Variants in GUCD1 observed in about 807,000 individuals in gnomAD.
GUCD1 encodes the protein guanylyl cyclase domain containing 1.
Under a neutral mutation model 28.3 loss-of-function variants are expected in GUCD1, and 17 were observed. That is an observed-to-expected ratio of 0.60 (90% CI 0.41 to 0.90). The LOEUF (loss-of-function observed/expected upper bound fraction) is 0.90, where lower values mean the gene tolerates loss of function less well. Ranked by LOEUF, GUCD1 falls within the 40% of genes least tolerant of loss-of-function variation. GUCD1 has a pLI of 0.00. For missense variants in GUCD1, 279 were observed against 305.5 expected (o/e 0.91, Z 0.65); for synonymous variants, 129 against 123.3 (o/e 1.05, Z -0.30).
chr22:24,553,285 C>T (rs974899411), intron 1 of GUCD1, among the ~76,000 whole-genome samples: 1 of 152,240 alleles, frequency 6.6e-6, no homozygotes, highest in African/African-American at 2.4e-5. Flanking sequence ...CACACATAAA[C>T]TACACTATCA....
In GUCD1 at chr22:24,543,945, G is replaced by A. The variant is rs749933267; in HGVS notation, c.525C>T (p.His175=). ...KYCCFTPSGH[H]CFCRTPDYQG... ...GGTAGTCAGGAGTGCGGCAGAAGCA[G>A]TGGTGGCCACTGGGGGTGAAGCAGC... The change falls in exon 5 of 6, where the codon CAC becomes CAT. Residue 175 remains histidine (H), a synonymous_variant. Transcript: ENST00000435822. 1.2e-6 allele frequency: 2 copies of A among 1,614,100 alleles called. No homozygotes were observed. The highest frequency in any genetic ancestry group is 1.7e-6 in the Non-Finnish European group (2 of 1,179,978).
chr22:24,548,473 G>T (rs550729929), intron 2 of GUCD1, among the ~76,000 whole-genome samples: 1 of 152,230 alleles, frequency 6.6e-6, no homozygotes, highest in Non-Finnish European at 1.5e-5. Context: ...AGATGCAGCT[G>T]CCCTGTGGTT....
At chr22:24,555,658 CTGGCCCT>C, upstream of GUCD1, 1 of 1,550,682 alleles carries the variant, frequency 6.4e-7, no homozygotes, top group Non-Finnish European at 8.7e-7. Context: ...ACGGGAAGTC[CTGGCCCT>C]TGGCCCAACC....
Position 24,555,003 on chromosome 22 carries a change from C to A in GUCD1, c.-12G>T, listed in dbSNP as rs1253667606. On this transcript the variant is annotated 5_prime_UTR_variant, in exon 1 of 6. Coordinates refer to ENST00000435822, the MANE Select transcript of GUCD1 (RefSeq NM_001284254.2). ...GCCTCCGTCCTCATGACCCGGGCGG[C>A]GCGGGGCGCCCATGGCCCCGGCCCA... The A allele has an allele frequency of 1.3e-6, 2 of 1,507,826 alleles. No individual in the cohort carries two copies. The highest frequency in any genetic ancestry group is 8.8e-7 in the Non-Finnish European group (1 of 1,134,094). The allele number at this position is 1,507,826 out of a possible 1,614,324, so 93.4% of individuals were successfully genotyped here.
chr22:24,546,484 A>G (rs938890966), intron 4 of GUCD1, among the ~76,000 whole-genome samples: 37 of 152,106 alleles, frequency 2.4e-4, no homozygotes, highest in African/African-American at 8.7e-4. Flanking sequence ...TACAGATGAG[A>G]AGAGGAGGCC....
At chr22:24,551,732 T>G (rs2044881006) in intron 1 of GUCD1, among the ~76,000 whole-genome samples, 1 of 152,230 alleles carries the variant, frequency 6.6e-6, no homozygotes, top group Admixed American at 6.5e-5. Flanking sequence ...ATTCGTTTCC[T>G]TCACAGTGCT....
upstream of GUCD1, chr22:24,555,332 C>G: frequency 7.2e-7 from 1 of 1,394,336 alleles, no homozygotes. Context: ...CGCAGCTCAC[C>G]AGGACGCGGG....
chr22:24,542,911 C>T lies in GUCD1; in HGVS notation c.*95G>A. The T allele has an allele frequency of 1.2e-6, 1 of 865,614 alleles. No homozygotes were observed. The highest frequency in any genetic ancestry group is 2.0e-6 in the Non-Finnish European group (1 of 510,560). The allele number at this position is 865,614 out of a possible 1,614,324, so 53.6% of individuals were successfully genotyped here. A position where few individuals can be genotyped will look rare whatever the true frequency, so the allele number is the denominator to read the frequency against. On this transcript the variant is annotated 3_prime_UTR_variant, in exon 6 of 6. Coordinates refer to ENST00000435822, the MANE Select transcript of GUCD1 (RefSeq NM_001284254.2). ...CTGAGGCTGCAGTTCCACATTCCAA[C>T]CCCAGCAGCCCCAAGCCTGGGCCAG...
At position 24,547,928 on chromosome 22, in the gene GUCD1, C is replaced by T. The variant is rs778133167; in HGVS notation, c.274G>A (p.Asp92Asn). Reference sequence around the variant, plus strand: ...CTCACCTGGTTCTTGTAGCCCTTGTCGACACCCAGGGTCTGGGTACAGAAG... The same window carrying T: ...CTCACCTGGTTCTTGTAGCCCTTGTTGACACCCAGGGTCTGGGTACAGAAG... ...HRFCTQTLGV[D>N]KGYKNQSFYR... is the part of the protein sequence containing the mutation. Residue 92 changes from aspartate (D) to asparagine (N), a missense_variant, in exon 3 of 6, where the codon GAC (aspartate) becomes AAC (asparagine). Coordinates refer to ENST00000435822, the MANE Select transcript of GUCD1 (RefSeq NM_001284254.2). 1.1e-5 allele frequency: 17 copies of T among 1,614,006 alleles called. No homozygotes were observed. The highest frequency in any genetic ancestry group is 1.2e-5 in the Non-Finnish European group (14 of 1,180,024).
chr22:24,548,148 C>T (rs1412023218), intron 2 of GUCD1, 75 bp from the exon 3 acceptor site: 84 of 1,285,730 alleles, frequency 6.5e-5, no homozygotes, highest in African/African-American at 8.7e-5. Context: ...CACCCACTGG[C>T]CCAAGAGCCC....
At chr22:24,546,035 C>T (rs1039578561) in intron 4 of GUCD1, among the ~76,000 whole-genome samples, 6 of 151,866 alleles carry the variant, frequency 4.0e-5, no homozygotes, top group African/African-American at 1.2e-4. Flanking sequence ...TATCTCGGCT[C>T]ACTGCAAGCT....
In GUCD1 at chr22:24,542,986, G is replaced by A. The variant is rs1485741386; in HGVS notation, c.*20C>T. ...GGTGGGGATGGGGTCCGAGGGCCTA[G>A]GCGCACCAGGCTCCTGCTGTCAGCT... On this transcript the variant is annotated 3_prime_UTR_variant, in exon 6 of 6. Transcript: ENST00000435822. The A allele has an allele frequency of 1.3e-6, 2 of 1,584,048 alleles. No homozygotes were observed. The highest frequency in any genetic ancestry group is 1.7e-6 in the Non-Finnish European group (2 of 1,152,906).
upstream of GUCD1, chr22:24,555,161 A>T: frequency 7.7e-7 from 1 of 1,306,198 alleles, no homozygotes; most frequent in Non-Finnish European, 9.7e-7. Flanking sequence ...GCGCCGCCCC[A>T]GCCCTTCCAG....
chr22:24,545,844 G>A (rs1199078449), intron 4 of GUCD1, among the ~76,000 whole-genome samples: 4 of 151,920 alleles, frequency 2.6e-5, no homozygotes, highest in African/African-American at 9.7e-5. Context: ...GCCCGCCTCG[G>A]CCTCCCAAAG....
chr22:24,549,184 A>G (rs1471598341), intron 1 of GUCD1, among the ~76,000 whole-genome samples, 183 bp from the exon 2 acceptor site: 1 of 151,918 alleles, frequency 6.6e-6, no homozygotes, highest in African/African-American at 2.4e-5. Context: ...TCCCCAAAAC[A>G]CCGGCCAGAG....
chr22:24,554,923 G>A, intron 1 of GUCD1, 26 bp downstream of exon 1: 1 of 1,541,642 alleles, frequency 6.5e-7, no homozygotes, highest in Non-Finnish European at 8.9e-7. Flanking sequence ...CTAGGGTGAA[G>A]ACTGGGCCCA....
At chr22:24,555,442 C>T, upstream of GUCD1, 2 of 1,158,436 alleles carry the variant, frequency 1.7e-6, no homozygotes, top group Non-Finnish European at 2.4e-6. Context: ...CTGCCGGGTC[C>T]CGCTCTTTTG....
chr22:24,541,096 G>A lies in GUCD1; in HGVS notation c.*1910C>T, dbSNP rs1472270561. 5.9e-6 allele frequency: 1 copy of A among 169,512 alleles called. No individual in the cohort carries two copies. The highest frequency in any genetic ancestry group is 1.5e-5 in the Non-Finnish European group (1 of 68,418). The allele number at this position is 169,512 out of a possible 1,614,324, so 10.5% of individuals were successfully genotyped here. ...CCTGGCATTAAGGCAATGGAGATGA[G>A]ACCAGTCTAGAGCCAACACCGGTCT... is the stretch of plus-strand genomic sequence containing the variant. On this transcript the variant is annotated 3_prime_UTR_variant, in exon 6 of 6. Transcript: ENST00000435822.
intron 1 of GUCD1, among the ~76,000 whole-genome samples, chr22:24,550,561 T>C (rs1340082066): frequency 6.6e-6 from 1 of 152,210 alleles, no homozygotes; most frequent in Non-Finnish European, 1.5e-5. Flanking sequence ...CTTGCCCACA[T>C]TGTTTCCCCA....
Sources: gnomAD v4.1 joint callset for allele counts (sites outside exome capture counted in the v4.1 genomes callset) on GRCh38, gnomAD v4.1.1 for gene constraint, MANE v1.5 for transcripts, NCBI Gene and HGNC (gene_info 2026-07-23, HGNC 2026-07-21) for gene names.